Variants in GPC3 observed in about 807,000 individuals in gnomAD.
GPC3 encodes glypican-3.
A neutral mutation model predicts 34.4 loss-of-function variants in GPC3; 3 were observed. The ratio of observed to expected loss-of-function variants is 0.09; its 90% CI spans 0.04 to 0.23. The LOEUF (loss-of-function observed/expected upper bound fraction) is 0.23, where lower values mean the gene tolerates loss of function less well. Among genes scored for constraint, GPC3 ranks in the 10% least tolerant of loss-of-function variants. The pLI is 1.00. For synonymous variants in GPC3, 177 were observed against 174.0 expected, an observed-to-expected ratio of 1.02 and a Z score of -0.13; for missense variants, 351 against 445.6, an observed-to-expected ratio of 0.79 and a Z score of 1.91.
At chrX:133,627,122 A>C (rs1234189643) in intron 6 of GPC3, among the ~76,000 whole-genome samples, 9 of 89,612 alleles carry the variant, frequency 1.0e-4, no homozygotes, top group Non-Finnish European at 1.5e-4. Flanking sequence ...AATGAAAACA[A>C]CTGGACACAG....
At chrX:133,676,499 G>T (rs950649407) in intron 5 of GPC3, among the ~76,000 whole-genome samples, 2 of 112,081 alleles carry the variant, frequency 1.8e-5, no homozygotes, top group African/African-American at 6.5e-5. Flanking sequence ...TAACATGAAA[G>T]AATAACAAAG....
rs1374046331 is a variant in GPC3, at chrX:133,950,159, C to T, written c.337+2891G>A. Among the ~76,000 whole-genome samples, 3 of 111,962 alleles carry T rather than the reference C, an allele frequency of 2.7e-5. No individual in the cohort carries two copies. The Admixed American group carries it at 2.8e-4, about 11-fold the overall frequency. On this transcript the variant is annotated intron_variant, in intron 2 of 7. Coordinates refer to ENST00000370818, the MANE Select transcript of GPC3 (RefSeq NM_004484.4). Reference sequence around the variant, plus strand: ...GCAGAAACAAAAAGCAATTGTGCTGCCCCATTTTACTAAGCACATCTAAGT... The same window carrying T: ...GCAGAAACAAAAAGCAATTGTGCTGTCCCATTTTACTAAGCACATCTAAGT...
Position 133,708,391 on chromosome X carries a change from A to T in GPC3, c.1033-8363T>A, listed in dbSNP as rs1285708346. Among the ~76,000 whole-genome samples, 3 of 111,903 alleles carry T rather than the reference A, an allele frequency of 2.7e-5. No homozygotes were observed. In the East Asian group the frequency reaches 8.4e-4, roughly 31 times the overall value. On this transcript the variant is annotated intron_variant, in intron 3 of 7. Coordinates refer to ENST00000370818, the MANE Select transcript of GPC3 (RefSeq NM_004484.4). Reference sequence around the variant, plus strand: ...AGCTTTATGATTGATGCTGTTTTCCATCCAAAGAAGCCTTTCCATATGGCA... The same window carrying T: ...AGCTTTATGATTGATGCTGTTTTCCTTCCAAAGAAGCCTTTCCATATGGCA...
At chrX:133,652,724 T>A (rs1052796407) in intron 6 of GPC3, among the ~76,000 whole-genome samples, 7 of 111,934 alleles carry the variant, frequency 6.3e-5, no homozygotes, top group Admixed American at 1.9e-4. Flanking sequence ...GAACACTAGA[T>A]CTCAAATAGC....
At chrX:133,560,572 G>A (rs937798848) in intron 7 of GPC3, among the ~76,000 whole-genome samples, 1 of 111,512 alleles carries the variant, frequency 9.0e-6, no homozygotes, top group Non-Finnish European at 1.9e-5. Flanking sequence ...AACCCCGTCT[G>A]TACTAAAAAT....
chrX:133,863,115 T>A (rs1171039194), intron 2 of GPC3, among the ~76,000 whole-genome samples: 1 of 112,608 alleles, frequency 8.9e-6, no homozygotes, highest in Non-Finnish European at 1.9e-5. Flanking sequence ...TAAGCAAAGC[T>A]GGGTCAATAG....
intron 6 of GPC3, among the ~76,000 whole-genome samples, chrX:133,649,915 T>C: frequency 9.1e-6 from 1 of 109,700 alleles, no homozygotes; most frequent in Non-Finnish European, 1.9e-5. Flanking sequence ...AGGTCTGCCC[T>C]AGGCTCTGCA....
intron 7 of GPC3, among the ~76,000 whole-genome samples, chrX:133,545,908 G>GC (rs964632466): frequency 1.9e-5 from 2 of 102,682 alleles, no homozygotes; most frequent in Non-Finnish European, 3.8e-5. Flanking sequence ...TGGACTATTA[G>GC]CCAAAAAAAA....
At chrX:133,900,642 T>C (rs993761055) in intron 2 of GPC3, among the ~76,000 whole-genome samples, 4 of 111,800 alleles carry the variant, frequency 3.6e-5, no homozygotes, top group African/African-American at 9.7e-5. Flanking sequence ...AACAAAATGA[T>C]AAGGAGGAAG....
intron 6 of GPC3, among the ~76,000 whole-genome samples, chrX:133,639,330 G>T (rs895614993): frequency 8.9e-6 from 1 of 112,057 alleles, no homozygotes. Context: ...GCCTTGTATT[G>T]TAATTATTTG....
chrX:133,809,632 T>C (rs2075654871), intron 2 of GPC3, among the ~76,000 whole-genome samples: 2 of 111,879 alleles, frequency 1.8e-5, no homozygotes, highest in Non-Finnish European at 3.8e-5. Context: ...AGAACTCACA[T>C]TGGCCTGCAG....
intron 2 of GPC3, among the ~76,000 whole-genome samples, chrX:133,797,479 C>T (rs1266778135): frequency 4.5e-5 from 5 of 110,793 alleles, no homozygotes; most frequent in African/African-American, 1.6e-4. Context: ...CCAGCTCTAC[C>T]CCCCTGAGAT....
intron 2 of GPC3, among the ~76,000 whole-genome samples, chrX:133,833,983 G>C (rs1210831328): frequency 9.0e-6 from 1 of 111,358 alleles, no homozygotes; most frequent in Admixed American, 9.6e-5. Context: ...GATATCAAAA[G>C]AAATTCATGT....
chrX:133,707,785 T>G (rs2071231742), intron 3 of GPC3, among the ~76,000 whole-genome samples: 1 of 111,279 alleles, frequency 9.0e-6, no homozygotes, highest in Non-Finnish European at 1.9e-5. Context: ...TGCAGTACAT[T>G]ACCTCTTTTG....
chrX:133,600,127 G>GGAA (rs2069964492), intron 6 of GPC3, among the ~76,000 whole-genome samples: 1 of 111,477 alleles, frequency 9.0e-6, no homozygotes, highest in Non-Finnish European at 1.9e-5. Flanking sequence ...ATATATCTTT[G>GGAA]AACCCCAGAG....
In GPC3 at chrX:133,765,584, A is replaced by G. The variant is rs960170867; in HGVS notation, c.338-11408T>C. Among the ~76,000 whole-genome samples the G allele has an allele frequency of 2.7e-5, 3 of 111,619 alleles. No individual in the cohort carries two copies. The Admixed American group carries it at 2.8e-4, about 11-fold the overall frequency. On this transcript the variant is annotated intron_variant, in intron 2 of 7. Transcript: ENST00000370818. ...TTTTGTGTTATTATTAGGACAATTA[A>G]TGTGTGCATTTTACATAGCCTTGCT...
At chrX:133,626,985 G>A (rs1338025144) in intron 6 of GPC3, among the ~76,000 whole-genome samples, 1 of 108,745 alleles carries the variant, frequency 9.2e-6, no homozygotes, top group African/African-American at 3.3e-5. Flanking sequence ...CTATGCAGCT[G>A]TAAAAAAGGA....
At chrX:133,629,778 G>C (rs1296501617) in intron 6 of GPC3, among the ~76,000 whole-genome samples, 1 of 110,394 alleles carries the variant, frequency 9.1e-6, no homozygotes, top group East Asian at 2.9e-4. Context: ...GAGTTGGCCG[G>C]GCGCAGTGGC....
At chrX:133,797,079 G>A (rs911507791) in intron 2 of GPC3, among the ~76,000 whole-genome samples, 3 of 110,495 alleles carry the variant, frequency 2.7e-5, no homozygotes, top group East Asian at 2.9e-4. Flanking sequence ...ACTGTATCTC[G>A]CCTGAGTCCC....
Sources: gnomAD v4.1 joint callset for allele counts (sites outside exome capture counted in the v4.1 genomes callset) on GRCh38, gnomAD v4.1.1 for gene constraint, MANE v1.5 for transcripts, NCBI Gene and HGNC (gene_info 2026-07-23, HGNC 2026-07-21) for gene names.